Variants in UNC13C observed in about 807,000 individuals in gnomAD.
UNC13C encodes the protein unc-13 homolog C.
UNC13C carries 174 observed loss-of-function variants against 245.4 expected under a neutral mutation model. The observed-to-expected ratio is 0.71, with a 90% confidence interval of 0.63 to 0.80. UNC13C has a LOEUF of 0.80. UNC13C is among the 30% of genes least tolerant of loss of function. The pLI, the probability that UNC13C is intolerant of heterozygous loss-of-function variation, is 0.00. For synonymous variants in UNC13C, 992 were observed against 895.1 expected (o/e 1.11, Z -1.93); for missense variants, 2,829 against 2,602.9 (o/e 1.09, Z -1.89).
At chr15:54,330,881 C>T (rs1000582856) in intron 14 of UNC13C, among the ~76,000 whole-genome samples, 8 of 152,024 alleles carry the variant, frequency 5.3e-5, no homozygotes, top group African/African-American at 1.9e-4. Context: ...GAAGGCAGGG[C>T]TCATTTCTTA....
intron 4 of UNC13C, among the ~76,000 whole-genome samples, chr15:54,203,245 C>T (rs760877001): frequency 4.0e-5 from 6 of 151,722 alleles, no homozygotes; most frequent in Admixed American, 1.3e-4. Flanking sequence ...TAAACTAGTA[C>T]AACCACTATG....
At chr15:53,920,213 A>G in the UNC13C span, among the ~76,000 whole-genome samples, 1 of 152,158 alleles carries the variant, frequency 6.6e-6, no homozygotes, top group Non-Finnish European at 1.5e-5. Flanking sequence ...ATAACGCTAC[A>G]GCATATAACT....
intron 18 of UNC13C, among the ~76,000 whole-genome samples, chr15:54,395,939 T>A (rs1459511791): frequency 1.3e-5 from 2 of 151,866 alleles, no homozygotes; most frequent in East Asian, 3.9e-4. Flanking sequence ...CAGTGTTTAT[T>A]TGAGTAATAT....
At chr15:53,985,981 C>T (rs1379761975) in intron 1 of UNC13C, among the ~76,000 whole-genome samples, 2 of 151,892 alleles carry the variant, frequency 1.3e-5, no homozygotes, top group Non-Finnish European at 2.9e-5. Context: ...GTTTCTACTA[C>T]TGTGGGTCCT....
At chr15:54,435,820 A>C (rs139495386) in intron 19 of UNC13C, among the ~76,000 whole-genome samples, 1 of 151,848 alleles carries the variant, frequency 6.6e-6, no homozygotes, top group Admixed American at 6.6e-5. Flanking sequence ...AACTTTTGCA[A>C]TCTATCCATC....
chr15:54,235,103 G>C lies in UNC13C; in HGVS notation c.3145G>C (p.Asp1049His). 1 of 1,613,782 alleles carries C rather than the reference G, an allele frequency of 6.2e-7. No homozygotes were observed. The highest frequency in any genetic ancestry group is 8.5e-7 in the Non-Finnish European group (1 of 1,179,750). ...RRKKTLPIVR[D>H]VAMTLAARKS... ...AAAAAAAACTTTGCCTATTGTCCGA[G>C]ATGTGGTAAGTTACAACTGTTTAAT... is the stretch of plus-strand genomic sequence containing the variant. Residue 1049 changes from aspartate (D) to histidine (H), a missense_variant, in exon 5 of 33, where the codon GAT (aspartate) becomes CAT (histidine). Coordinates refer to ENST00000260323, the MANE Select transcript of UNC13C (RefSeq NM_001080534.3).
intron 23 of UNC13C, among the ~76,000 whole-genome samples, chr15:54,507,893 T>TA (rs1567336791): frequency 4.0e-5 from 6 of 151,848 alleles, no homozygotes; most frequent in African/African-American, 1.5e-4. Context: ...GGGTTTTTTT[T>TA]TAAAAAAAAG....
chr15:54,315,995 C>G (rs1429842146), intron 13 of UNC13C, among the ~76,000 whole-genome samples: 1 of 151,818 alleles, frequency 6.6e-6, no homozygotes, highest in African/African-American at 2.4e-5. Context: ...TCTTTACTTT[C>G]ACCTTCCTTA....
rs2032972097 is a variant in UNC13C, at chr15:54,161,473, T to A, written c.3071+17789T>A. On this transcript the variant is annotated intron_variant, in intron 4 of 32. Coordinates refer to ENST00000260323, the MANE Select transcript of UNC13C (RefSeq NM_001080534.3). Reference sequence around the variant, plus strand: ...TGAAATAGTAGCTGGCCAATTTAAATATTTATTAATTTAATTATATTTTAA... The same window carrying A: ...TGAAATAGTAGCTGGCCAATTTAAAAATTTATTAATTTAATTATATTTTAA... Among the ~76,000 whole-genome samples the A allele has an allele frequency of 2.0e-5, 3 of 152,092 alleles. No homozygotes were observed. In the South Asian group the frequency reaches 6.2e-4, roughly 31 times the overall value.
At chr15:54,073,458 C>T (rs1219405217) in intron 2 of UNC13C, among the ~76,000 whole-genome samples, 1 of 152,200 alleles carries the variant, frequency 6.6e-6, no homozygotes, top group Non-Finnish European at 1.5e-5. Context: ...AATCGCCACA[C>T]TGTCTTCCAC....
intron 7 of UNC13C, 48 bp downstream of exon 7, chr15:54,237,738 A>G (rs768381382): frequency 2.1e-6 from 3 of 1,424,238 alleles, no homozygotes; most frequent in African/African-American, 2.8e-5. Context: ...ATTGCTCATA[A>G]TCACAAGGGA....
At chr15:54,560,823 A>G (rs1423711387) in intron 29 of UNC13C, among the ~76,000 whole-genome samples, 2 of 152,020 alleles carry the variant, frequency 1.3e-5, no homozygotes, top group Admixed American at 6.6e-5. Flanking sequence ...AAATAATACT[A>G]CTACTTAAAA....
At chr15:54,228,096 T>C (rs2035444619) in intron 4 of UNC13C, among the ~76,000 whole-genome samples, 3 of 152,074 alleles carry the variant, frequency 2.0e-5, no homozygotes, top group Non-Finnish European at 2.9e-5. Flanking sequence ...CCATCTCCTT[T>C]CCATATAAGA....
In UNC13C at chr15:54,175,577, A is replaced by G. The variant is rs905223790; in HGVS notation, c.3071+31893A>G. On this transcript the variant is annotated intron_variant, in intron 4 of 32. Transcript: ENST00000260323. Reference sequence around the variant, plus strand: ...GCCCAGGCTGGAGCGTAGTGGCGCGATCTCGGCTCACTGCAAGCTCCGCCT... The same window carrying G: ...GCCCAGGCTGGAGCGTAGTGGCGCGGTCTCGGCTCACTGCAAGCTCCGCCT... 2.2e-5 allele frequency among the ~76,000 whole-genome samples: 3 copies of G among 137,992 alleles called. No individual in the cohort carries two copies. The Admixed American group carries it at 2.4e-4, about 11-fold the overall frequency. The allele number at this position is 137,992 out of a possible 152,430, so 90.5% of individuals were successfully genotyped here.
chr15:53,991,417 A>T (rs1418453722), intron 1 of UNC13C, among the ~76,000 whole-genome samples: 2 of 152,016 alleles, frequency 1.3e-5, no homozygotes, highest in Non-Finnish European at 2.9e-5. Flanking sequence ...CTAGAGCAGA[A>T]AAAGTCCAAT....
chr15:54,476,543 C>T (rs200818087), intron 19 of UNC13C, among the ~76,000 whole-genome samples: 61,247 of 149,956 alleles, frequency 0.41, 12,825 homozygotes, highest in East Asian at 0.62. Context: ...CCAGTTTTCC[C>T]AGCACCATTT....
chr15:54,565,223 T>C (rs887338617), intron 29 of UNC13C, among the ~76,000 whole-genome samples: 1 of 152,052 alleles, frequency 6.6e-6, no homozygotes, highest in African/African-American at 2.4e-5. Context: ...GTTTAAATGT[T>C]GGTTACATTT....
At position 54,627,146 on chromosome 15, in the gene UNC13C, A is replaced by G; in HGVS notation, c.*33A>G. 2 of 1,571,676 alleles carry G rather than the reference A, an allele frequency of 1.3e-6. No homozygotes were observed. Among genetic ancestry groups the G allele is most frequent in the Non-Finnish European group, 1.7e-6 (2 of 1,158,688 alleles). The stretch of plus-strand genomic sequence containing the variant: ...ACTGCAAGCTAAATACATAACTATA[A>G]TTGTTTGACTACTGCATGCATGTGC... On this transcript the variant is annotated 3_prime_UTR_variant, in exon 33 of 33. Coordinates refer to ENST00000260323, the MANE Select transcript of UNC13C (RefSeq NM_001080534.3).
rs1156972679 is a variant in UNC13C, at chr15:54,077,725, T to G, written c.2983+61839T>G. Among the ~76,000 whole-genome samples the G allele has an allele frequency of 1.3e-5, 2 of 152,146 alleles. 1 individual carries two copies. The highest frequency in any genetic ancestry group is 1.3e-4 in the Admixed American group (2 of 15,268). ...GCTGTTTTATTAGTCCCATAACATC[T>G]AATTAAATTTAATAGCAATAATAAA... On this transcript the variant is annotated intron_variant, in intron 2 of 32. Coordinates refer to ENST00000260323, the MANE Select transcript of UNC13C (RefSeq NM_001080534.3).
Sources: allele counts gnomAD v4.1 joint callset (sites outside exome capture counted in the v4.1 genomes callset), GRCh38; gene constraint gnomAD v4.1.1; transcripts MANE v1.5; gene names NCBI Gene and HGNC (gene_info 2026-07-23, HGNC 2026-07-21).